SLC44A5: variants seen among roughly 807,000 people sequenced by gnomAD.
The protein encoded by SLC44A5 is choline transporter-like protein 5.
In SLC44A5, 57 loss-of-function variants were observed where a neutral mutation model predicts 101.8. The observed-to-expected ratio is 0.56, with a 90% confidence interval of 0.45 to 0.70. The LOEUF is 0.70. SLC44A5 is among the 30% of genes least tolerant of loss of function. The pLI is 0.00. For missense variants in SLC44A5, 737 were observed against 853.1 expected, an observed-to-expected ratio of 0.86 and a Z score of 1.70; for synonymous variants, 281 against 290.9, an observed-to-expected ratio of 0.97 and a Z score of 0.35.
At chr1:75,657,220 A>C in the SLC44A5 span, among the ~76,000 whole-genome samples, 2 of 152,134 alleles carry the variant, frequency 1.3e-5, no homozygotes, top group Non-Finnish European at 2.9e-5. Flanking sequence ...TGCTGCCTAC[A>C]AGAAACTCAC....
intron 1 of SLC44A5, among the ~76,000 whole-genome samples, chr1:75,553,628 A>G (rs1473701249): frequency 6.6e-6 from 1 of 152,224 alleles, no homozygotes; most frequent in Non-Finnish European, 1.5e-5. Flanking sequence ...TGTCAATAAA[A>G]GATTCCATGT....
the SLC44A5 span, among the ~76,000 whole-genome samples, chr1:75,628,830 GTATAAC>G: frequency 6.6e-6 from 1 of 151,950 alleles, no homozygotes; most frequent in African/African-American, 2.4e-5. Context: ...ACTCTGAAAA[GTATAAC>G]CACCTACTCC....
intron 2 of SLC44A5, among the ~76,000 whole-genome samples, chr1:75,445,137 G>A (rs904861975): frequency 5.3e-5 from 8 of 152,160 alleles, no homozygotes; most frequent in African/African-American, 1.9e-4. Flanking sequence ...GGCCTAGTGG[G>A]TGATGTATGG....
At chr1:75,626,199 A>G in the SLC44A5 span, among the ~76,000 whole-genome samples, 1 of 152,158 alleles carries the variant, frequency 6.6e-6, no homozygotes, top group African/African-American at 2.4e-5. Flanking sequence ...CCGTCAATGT[A>G]AAGGACCAGA....
intron 5 of SLC44A5, among the ~76,000 whole-genome samples, chr1:75,300,352 G>T (rs945507872): frequency 6.6e-5 from 10 of 152,064 alleles, no homozygotes; most frequent in African/African-American, 2.4e-4. Flanking sequence ...TGATTAAAAA[G>T]AAACCACAAA....
At chr1:75,548,478 T>C (rs1671769877) in intron 1 of SLC44A5, among the ~76,000 whole-genome samples, 1 of 152,166 alleles carries the variant, frequency 6.6e-6, no homozygotes, top group South Asian at 2.1e-4. Context: ...TACTAATTTT[T>C]TTTTATTTCT....
At chr1:75,704,938 G>A in the SLC44A5 span, among the ~76,000 whole-genome samples, 2 of 152,092 alleles carry the variant, frequency 1.3e-5, no homozygotes, top group South Asian at 4.1e-4. Context: ...TCTCTAACAG[G>A]TAACTTAGCT....
the SLC44A5 span, among the ~76,000 whole-genome samples, chr1:75,679,492 AT>A: frequency 1.2e-4 from 19 of 152,054 alleles, no homozygotes; most frequent in Admixed American, 9.2e-4. Context: ...TCAACCCAGA[AT>A]TTCATATCCA....
chr1:75,373,460 T>C (rs1249808), intron 3 of SLC44A5, among the ~76,000 whole-genome samples: 78,569 of 151,926 alleles, frequency 0.52, 22,305 homozygotes, highest in East Asian at 0.94. Context: ...AGGAACTTCT[T>C]AGAGACCAGA....
At chr1:75,388,767 A>G (rs1422405880) in intron 3 of SLC44A5, among the ~76,000 whole-genome samples, 1 of 151,458 alleles carries the variant, frequency 6.6e-6, no homozygotes, top group African/African-American at 2.4e-5. Context: ...CAACAGAGCG[A>G]GACTCCGTCT....
At chr1:75,529,153 G>A (rs1670585507) in intron 2 of SLC44A5, among the ~76,000 whole-genome samples, 1 of 152,136 alleles carries the variant, frequency 6.6e-6, no homozygotes, top group African/African-American at 2.4e-5. Context: ...ACTGATAAAT[G>A]CTTTGTTGGA....
At chr1:75,218,788 T>TAAATATC (rs1425726047) in intron 16 of SLC44A5, 36 bp from the exon 17 acceptor site, 1 of 1,570,094 alleles carries the variant, frequency 6.4e-7, no homozygotes, top group Admixed American at 1.8e-5. Context: ...GACATAATAT[T>TAAATATC]AAATATCACT....
chr1:75,615,132 A>C (rs1258994457), upstream of SLC44A5, among the ~76,000 whole-genome samples: 1 of 151,882 alleles, frequency 6.6e-6, no homozygotes, highest in African/African-American at 2.4e-5. Flanking sequence ...CGAACTTTCC[A>C]ACTTTGGAAG....
chr1:75,717,340 C>CAAAAGAAAA, the SLC44A5 span, among the ~76,000 whole-genome samples: 1 of 97,882 alleles, frequency 1.0e-5, no homozygotes. Flanking sequence ...GACCCTGTCT[C>CAAAAGAAAA]AAAAAAAAAA....
intron 1 of SLC44A5, among the ~76,000 whole-genome samples, chr1:75,603,753 G>GGTT (rs368996734): frequency 7.4e-5 from 4 of 54,098 alleles, no homozygotes; most frequent in East Asian, 1.0e-3. Context: ...ATTTTTTCAT[G>GGTT]TTTTTTTTTT....
intron 2 of SLC44A5, among the ~76,000 whole-genome samples, chr1:75,459,902 G>A (rs940413132): frequency 1.3e-5 from 2 of 152,152 alleles, no homozygotes; most frequent in African/African-American, 2.4e-5. Flanking sequence ...TCCTCCTGCT[G>A]CAGTTGGAAC....
intron 3 of SLC44A5, among the ~76,000 whole-genome samples, chr1:75,361,123 T>C (rs1205799558): frequency 6.6e-6 from 1 of 152,112 alleles, no homozygotes; most frequent in Non-Finnish European, 1.5e-5. Context: ...TATTTGTGTA[T>C]AGAGGTGCTA....
the SLC44A5 span, among the ~76,000 whole-genome samples, chr1:75,618,747 G>C: frequency 6.6e-6 from 1 of 152,092 alleles, no homozygotes; most frequent in South Asian, 2.1e-4. Context: ...CTAAGTATTT[G>C]TGTATCCAAA....
chr1:75,583,465 A>T (rs1484410636), intron 1 of SLC44A5, among the ~76,000 whole-genome samples: 2 of 152,162 alleles, frequency 1.3e-5, no homozygotes, highest in African/African-American at 2.4e-5. Flanking sequence ...CCCAGTAGAC[A>T]GCCCTCTTAG....
Sources: allele counts gnomAD v4.1 joint callset (sites outside exome capture counted in the v4.1 genomes callset), GRCh38; gene constraint gnomAD v4.1.1; transcripts MANE v1.5; gene names NCBI Gene and HGNC (gene_info 2026-07-23, HGNC 2026-07-21).